Variants in VPS4B observed in about 807,000 individuals in gnomAD.
The protein encoded by VPS4B is vacuolar protein sorting-associated protein 4B.
A neutral mutation model predicts 56.1 loss-of-function variants in VPS4B; 23 were observed. The ratio of observed to expected loss-of-function variants is 0.41; its 90% CI spans 0.30 to 0.58. VPS4B has a LOEUF of 0.58. Ranked by LOEUF, VPS4B falls within the 20% of genes least tolerant of loss-of-function variation. VPS4B has a pLI of 0.29. For synonymous variants in VPS4B, 177 were observed against 186.0 expected (o/e 0.95, Z 0.39); for missense variants, 372 against 531.9 (o/e 0.70, Z 2.96).
intron 4 of VPS4B, among the ~76,000 whole-genome samples, chr18:63,405,819 AC>A (rs1915904284): frequency 6.6e-6 from 1 of 151,120 alleles, no homozygotes; most frequent in African/African-American, 2.4e-5. Flanking sequence ...AAACAAACAA[AC>A]AAACAAAAAA....
chr18:63,414,744 GCT>G (rs1720914467), intron 1 of VPS4B, among the ~76,000 whole-genome samples: 4 of 152,182 alleles, frequency 2.6e-5, no homozygotes, highest in African/African-American at 9.7e-5. Context: ...CTAGAAATAA[GCT>G]CTTTCTTATC....
intron 8 of VPS4B, among the ~76,000 whole-genome samples, chr18:63,398,255 C>T (rs949514877): frequency 2.0e-5 from 3 of 150,220 alleles, no homozygotes; most frequent in African/African-American, 7.5e-5. Flanking sequence ...CACTCTGTTG[C>T]CCAAGCTGGA....
In VPS4B at chr18:63,415,377, T is replaced by C. The variant is rs564683449; in HGVS notation, c.28-3799A>G. The C allele has an allele frequency of 4.6e-4, 118 of 257,190 alleles. 1 individual carries two copies. Among genetic ancestry groups the C allele is most frequent in the African/African-American group, 2.6e-3 (116 of 44,122 alleles). The allele number at this position is 257,190 out of a possible 1,614,324, so 15.9% of individuals were successfully genotyped here. A position where few individuals can be genotyped will look rare whatever the true frequency, so the allele number is the denominator to read the frequency against. On this transcript the variant is annotated intron_variant, in intron 1 of 10. Coordinates refer to ENST00000238497, the MANE Select transcript of VPS4B (RefSeq NM_004869.4). ...TATCCTTCTGCATGACGCTGGCTACTGCTATCTCAAAGTCCTCCTGGGTGA... is the reference window on the plus strand; with the variant it reads ...TATCCTTCTGCATGACGCTGGCTACCGCTATCTCAAAGTCCTCCTGGGTGA...
intron 5 of VPS4B, among the ~76,000 whole-genome samples, chr18:63,401,398 G>A (rs1157659425): frequency 2.0e-5 from 3 of 152,026 alleles, no homozygotes; most frequent in African/African-American, 7.3e-5. Flanking sequence ...GAGATTATAG[G>A]TGCCCGCCAT....
intron 1 of VPS4B, among the ~76,000 whole-genome samples, chr18:63,414,554 C>A (rs151016424): frequency 0.017 from 2,567 of 152,118 alleles, 66 homozygotes; most frequent in African/African-American, 0.059. Context: ...CCTGCCTCAG[C>A]CTCCCCAGTG....
At chr18:63,392,885 G>C (rs1915584751) in intron 10 of VPS4B, among the ~76,000 whole-genome samples, 1 of 151,852 alleles carries the variant, frequency 6.6e-6, no homozygotes, top group South Asian at 2.1e-4. Flanking sequence ...TAGCTGGATT[G>C]CAGGTGTGCA....
chr18:63,402,335 A>C (rs1268010813), intron 5 of VPS4B, among the ~76,000 whole-genome samples: 1 of 152,196 alleles, frequency 6.6e-6, no homozygotes, highest in East Asian at 1.9e-4. Context: ...AAAATATGTG[A>C]GATGATTTAA....
intron 9 of VPS4B, 23 bp from the exon 10 acceptor site, chr18:63,393,572 A>G (rs367871087): frequency 2.6e-6 from 4 of 1,546,732 alleles, no homozygotes; most frequent in African/African-American, 1.4e-5. Context: ...GTAATCTGAA[A>G]TATGTATTTG....
At chr18:63,394,210 T>C (rs550244596) in intron 9 of VPS4B, among the ~76,000 whole-genome samples, 3 of 152,312 alleles carry the variant, frequency 2.0e-5, no homozygotes, top group African/African-American at 7.2e-5. Flanking sequence ...AACAGATATA[T>C]TAAAAAATTC....
chr18:63,404,268 T>A (rs1489750065), intron 4 of VPS4B, among the ~76,000 whole-genome samples: 1 of 152,068 alleles, frequency 6.6e-6, no homozygotes, highest in Non-Finnish European at 1.5e-5. Context: ...AAAGGTGATC[T>A]AATCCTCTCC....
At chr18:63,414,972 T>C (rs941872504) in intron 1 of VPS4B, among the ~76,000 whole-genome samples, 3 of 152,236 alleles carry the variant, frequency 2.0e-5, no homozygotes, top group Admixed American at 2.0e-4. Flanking sequence ...TGTCTGTATA[T>C]GGCTTCTGAG....
chr18:63,395,153 G>T lies in VPS4B; in HGVS notation c.1093-1604C>A, dbSNP rs79745767. On this transcript the variant is annotated intron_variant, in intron 9 of 10. Transcript: ENST00000238497. ...TGTGTCACCTTCATCCCACTAACAAGGACCTGGCTTCAGCGTCATGTGAGC... is the reference window on the plus strand; with the variant it reads ...TGTGTCACCTTCATCCCACTAACAATGACCTGGCTTCAGCGTCATGTGAGC... Among the ~76,000 whole-genome samples the T allele has an allele frequency of 2.2e-3, 339 of 152,278 alleles. 6 individuals are homozygous for T. Among genetic ancestry groups the T allele is most frequent in the East Asian group, 7.0e-3 (36 of 5,172 alleles).
At chr18:63,408,126 G>A (rs1379148090) in intron 3 of VPS4B, among the ~76,000 whole-genome samples, 1 of 152,090 alleles carries the variant, frequency 6.6e-6, no homozygotes, top group South Asian at 2.1e-4. Flanking sequence ...TTGCAAAAGG[G>A]GAAAAAGTAA....
intron 1 of VPS4B, among the ~76,000 whole-genome samples, chr18:63,417,824 G>C (rs939986897): frequency 6.6e-6 from 1 of 152,120 alleles, no homozygotes; most frequent in Non-Finnish European, 1.5e-5. Context: ...GGATCAGTCA[G>C]GATCCAGTTA....
chr18:63,422,133 C>T (rs1383712187), intron 1 of VPS4B, 100 bp downstream of exon 1: 3 of 1,306,564 alleles, frequency 2.3e-6, no homozygotes, highest in East Asian at 6.2e-5. Flanking sequence ...GCCTCGACCA[C>T]AGGCGCGGCC....
chr18:63,420,679 G>A (rs1916277153), intron 1 of VPS4B, among the ~76,000 whole-genome samples: 1 of 152,032 alleles, frequency 6.6e-6, no homozygotes, highest in South Asian at 2.1e-4. Flanking sequence ...TTTCCAAATA[G>A]GACTACAAAA....
intron 1 of VPS4B, chr18:63,416,344 G>C (rs1916162894): frequency 6.1e-6 from 1 of 163,602 alleles, no homozygotes; most frequent in African/African-American, 2.4e-5. Flanking sequence ...GCAGCCTCTG[G>C]AGGTCCTGGC....
chr18:63,401,998 A>T (rs1207211531), intron 5 of VPS4B, among the ~76,000 whole-genome samples: 1 of 152,210 alleles, frequency 6.6e-6, no homozygotes, highest in Non-Finnish European at 1.5e-5. Context: ...TGTCTCAAAA[A>T]AAGAAACAAA....
chr18:63,415,587 C>A (rs987272212), intron 1 of VPS4B: 2 of 259,114 alleles, frequency 7.7e-6, no homozygotes, highest in Admixed American at 8.1e-5. Context: ...TGTTGATGTG[C>A]CCTGAGTGAA....
Sources: allele counts gnomAD v4.1 joint callset (sites outside exome capture counted in the v4.1 genomes callset), GRCh38; gene constraint gnomAD v4.1.1; transcripts MANE v1.5; gene names NCBI Gene and HGNC (gene_info 2026-07-23, HGNC 2026-07-21).